RBFOX1: variants seen among roughly 807,000 people sequenced by gnomAD.
RBFOX1 encodes the protein RNA binding fox-1 homolog 1.
A neutral mutation model predicts 57.7 loss-of-function variants in RBFOX1; 8 were observed. The ratio of observed to expected loss-of-function variants is 0.14; its 90% CI spans 0.08 to 0.25. The LOEUF is 0.25. Ranked by LOEUF, RBFOX1 falls within the 10% of genes least tolerant of loss-of-function variation. The pLI, the probability that RBFOX1 is intolerant of heterozygous loss-of-function variation, is 1.00. For synonymous variants in RBFOX1, 326 were observed against 222.4 expected (o/e 1.47, Z -4.15); for missense variants, 611 against 548.5 (o/e 1.11, Z -1.14).
intron 3 of RBFOX1, among the ~76,000 whole-genome samples, chr16:6,659,006 C>A (rs1015918376): frequency 2.0e-5 from 3 of 150,528 alleles, no homozygotes; most frequent in African/African-American, 7.3e-5. Flanking sequence ...GCAAAGGTGA[C>A]GGGAGGTAAC....
intron 2 of RBFOX1, among the ~76,000 whole-genome samples, chr16:6,321,864 G>T (rs565153230): frequency 6.6e-6 from 1 of 152,256 alleles, no homozygotes; most frequent in African/African-American, 2.4e-5. Context: ...ACGTTGGTAG[G>T]TTTAGAATAA....
At chr16:7,286,648 G>C (rs888778083) in intron 4 of RBFOX1, among the ~76,000 whole-genome samples, 5 of 122,006 alleles carry the variant, frequency 4.1e-5, no homozygotes, top group Non-Finnish European at 8.2e-5. Flanking sequence ...TTTTGAGACA[G>C]AGTCTTACTC....
At chr16:6,992,792 C>T (rs555623300) in intron 3 of RBFOX1, among the ~76,000 whole-genome samples, 19 of 140,698 alleles carry the variant, frequency 1.4e-4, no homozygotes, top group African/African-American at 4.8e-4. Context: ...TGTATCATGA[C>T]ATGACCAATG....
intron 10 of RBFOX1, among the ~76,000 whole-genome samples, chr16:7,610,107 C>T (rs1382740492): frequency 8.5e-5 from 8 of 94,536 alleles, no homozygotes; most frequent in South Asian, 3.4e-4. Context: ...TGAGCCACTG[C>T]GCCCGGCCCC....
chr16:6,287,564 C>T (rs555782765), intron 1 of RBFOX1, among the ~76,000 whole-genome samples: 4 of 152,076 alleles, frequency 2.6e-5, no homozygotes, highest in Non-Finnish European at 5.9e-5. Flanking sequence ...TAACACAGGG[C>T]AGTGCCTGAT....
chr16:5,306,770 C>G (rs908895483), intron 1 of RBFOX1, among the ~76,000 whole-genome samples: 2 of 152,202 alleles, frequency 1.3e-5, no homozygotes, highest in African/African-American at 4.8e-5. Flanking sequence ...CTGTTAGAGT[C>G]CCAGTCTGCT....
At chr16:6,759,811 A>G (rs1246759165) in intron 3 of RBFOX1, among the ~76,000 whole-genome samples, 3 of 152,180 alleles carry the variant, frequency 2.0e-5, no homozygotes, top group Non-Finnish European at 4.4e-5. Flanking sequence ...GAGGATGTTT[A>G]TTACTAGATT....
chr16:7,027,369 G>C (rs1005458630), intron 3 of RBFOX1, among the ~76,000 whole-genome samples: 4 of 152,106 alleles, frequency 2.6e-5, no homozygotes, highest in Non-Finnish European at 5.9e-5. Context: ...GTATTTTTTA[G>C]ATATAATCTC....
chr16:5,315,067 C>G (rs2064198273), intron 1 of RBFOX1, among the ~76,000 whole-genome samples: 3 of 152,096 alleles, frequency 2.0e-5, no homozygotes. Flanking sequence ...GTTTATCTGC[C>G]TTGGAAATTT....
chr16:6,335,180 A>ATG (rs903458574), intron 2 of RBFOX1, among the ~76,000 whole-genome samples: 3 of 152,238 alleles, frequency 2.0e-5, no homozygotes, highest in Non-Finnish European at 2.9e-5. Context: ...TCACACTGGA[A>ATG]TGTGTGTTAG....
chr16:6,142,189 CAAAAA>C (rs71142685), intron 1 of RBFOX1, among the ~76,000 whole-genome samples: 16 of 49,092 alleles, frequency 3.3e-4, no homozygotes, highest in African/African-American at 1.4e-3. Context: ...GCTGCTGCTG[CAAAAA>C]AAAAAAAAAA....
intron 2 of RBFOX1, among the ~76,000 whole-genome samples, chr16:6,573,474 C>G (rs1177760166): frequency 6.6e-6 from 1 of 152,220 alleles, no homozygotes; most frequent in African/African-American, 2.4e-5. Flanking sequence ...AGGGAGCCTG[C>G]TGTCACTCAG....
At chr16:7,109,482 G>A (rs2064240070) in intron 4 of RBFOX1, among the ~76,000 whole-genome samples, 1 of 152,100 alleles carries the variant, frequency 6.6e-6, no homozygotes, top group African/African-American at 2.4e-5. Context: ...GGAAGGTGGT[G>A]CACCTTTGGG....
chr16:6,923,316 G>T (rs2074895749), intron 3 of RBFOX1, among the ~76,000 whole-genome samples: 2 of 152,066 alleles, frequency 1.3e-5, no homozygotes, highest in Non-Finnish European at 2.9e-5. Flanking sequence ...GGAGGATCAT[G>T]TGAGGTCAGG....
chr16:5,311,710 C>G (rs550988824), intron 1 of RBFOX1, among the ~76,000 whole-genome samples: 8 of 152,156 alleles, frequency 5.3e-5, no homozygotes, highest in Non-Finnish European at 4.4e-5. Flanking sequence ...TGAGAAATGT[C>G]TATTCATGTC....
chr16:6,190,845 A>C (rs1003081255), intron 1 of RBFOX1, among the ~76,000 whole-genome samples: 2 of 152,168 alleles, frequency 1.3e-5, no homozygotes, highest in Admixed American at 6.6e-5. Flanking sequence ...TAGAGCCCAC[A>C]TTTAAACCGA....
intron 3 of RBFOX1, among the ~76,000 whole-genome samples, chr16:5,720,544 C>T (rs2051891371): frequency 6.6e-6 from 1 of 152,124 alleles, no homozygotes; most frequent in Non-Finnish European, 1.5e-5. Flanking sequence ...ATTCCTATGT[C>T]TTCTAAGGCT....
intron 1 of RBFOX1, among the ~76,000 whole-genome samples, chr16:5,361,207 T>C (rs2065540555): frequency 6.6e-6 from 1 of 152,092 alleles, no homozygotes; most frequent in Non-Finnish European, 1.5e-5. Flanking sequence ...GTCTTAATGG[T>C]GATATGGTTC....
intron 4 of RBFOX1, among the ~76,000 whole-genome samples, chr16:7,517,233 C>T (rs1160584936): frequency 2.0e-5 from 3 of 146,916 alleles, no homozygotes; most frequent in Non-Finnish European, 3.0e-5. Flanking sequence ...AGAGCTGTTT[C>T]CTGAAATGGA....
Sources: allele counts gnomAD v4.1 joint callset (sites outside exome capture counted in the v4.1 genomes callset), GRCh38; gene constraint gnomAD v4.1.1; transcripts MANE v1.5; gene names NCBI Gene and HGNC (gene_info 2026-07-23, HGNC 2026-07-21).